MGAT4C: variants seen among roughly 807,000 people sequenced by gnomAD.
MGAT4C encodes MGAT4 family member C.
A neutral mutation model predicts 40.1 loss-of-function variants in MGAT4C; 19 were observed. The ratio of observed to expected loss-of-function variants is 0.47; its 90% CI spans 0.33 to 0.70. The LOEUF (loss-of-function observed/expected upper bound fraction) is 0.70. MGAT4C is among the 30% of genes least tolerant of loss of function. The pLI is 0.02. For missense variants in MGAT4C, 491 were observed against 563.2 expected, an observed-to-expected ratio of 0.87 and a Z score of 1.30; for synonymous variants, 181 against 187.1, an observed-to-expected ratio of 0.97 and a Z score of 0.27.
intron 4 of MGAT4C, among the ~76,000 whole-genome samples, chr12:86,310,189 T>C (rs1411653939): frequency 6.6e-6 from 1 of 151,642 alleles, no homozygotes; most frequent in Non-Finnish European, 1.5e-5. Flanking sequence ...AGGCAGGTAA[T>C]GTGAATGAGT....
chr12:86,061,076 C>T (rs1893908317), intron 1 of MGAT4C, among the ~76,000 whole-genome samples: 1 of 152,132 alleles, frequency 6.6e-6, no homozygotes. Flanking sequence ...TCTGTGGTGG[C>T]TGAATGGGAA....
At chr12:86,309,573 C>T (rs766204937) in intron 4 of MGAT4C, among the ~76,000 whole-genome samples, 2 of 152,136 alleles carry the variant, frequency 1.3e-5, no homozygotes, top group Non-Finnish European at 2.9e-5. Flanking sequence ...CGGGCTCTGC[C>T]CTCATGACTT....
intron 2 of MGAT4C, among the ~76,000 whole-genome samples, chr12:86,496,586 ATTGT>A (rs1208126760): frequency 8.1e-6 from 1 of 123,964 alleles, no homozygotes; most frequent in Non-Finnish European, 2.0e-5. Context: ...AATGTGTTTG[ATTGT>A]TCTTTCAAAA....
At chr12:86,478,811 T>C (rs897145682) in intron 2 of MGAT4C, among the ~76,000 whole-genome samples, 7 of 152,108 alleles carry the variant, frequency 4.6e-5, no homozygotes, top group South Asian at 2.1e-4. Flanking sequence ...GGAAGGGATA[T>C]TGAAATAGCT....
chr12:86,686,026 C>T (rs967327673), intron 2 of MGAT4C, among the ~76,000 whole-genome samples: 3 of 114,390 alleles, frequency 2.6e-5, no homozygotes, highest in Non-Finnish European at 1.9e-5. Context: ...CCATGCCTGG[C>T]TAATTTTATT....
At chr12:86,688,635 T>G (rs998618353) in intron 2 of MGAT4C, among the ~76,000 whole-genome samples, 25 of 152,336 alleles carry the variant, frequency 1.6e-4, no homozygotes, top group African/African-American at 5.8e-4. Context: ...AAATTCTGGG[T>G]TGAAAATTCT....
chr12:86,584,975 C>T (rs1960949355), intron 2 of MGAT4C, among the ~76,000 whole-genome samples: 1 of 151,206 alleles, frequency 6.6e-6, no homozygotes, highest in Admixed American at 6.6e-5. Context: ...CAGGTTGAGC[C>T]ATGTGTATTT....
intron 2 of MGAT4C, among the ~76,000 whole-genome samples, chr12:86,048,447 A>C (rs1222172433): frequency 1.3e-5 from 2 of 152,086 alleles, no homozygotes; most frequent in Non-Finnish European, 2.9e-5. Context: ...AGACCTGCAC[A>C]TGTACATCAT....
At chr12:86,657,452 G>T (rs377504667) in intron 2 of MGAT4C, among the ~76,000 whole-genome samples, 1 of 151,708 alleles carries the variant, frequency 6.6e-6, no homozygotes, top group East Asian at 1.9e-4. Flanking sequence ...GCACTCTCAA[G>T]AATTTAACTT....
chr12:86,739,910 T>A (rs1238264001), intron 1 of MGAT4C, among the ~76,000 whole-genome samples: 2 of 149,890 alleles, frequency 1.3e-5, no homozygotes, highest in African/African-American at 2.4e-5. Context: ...TAAGGCATAT[T>A]ATATATATAT....
chr12:86,763,191 A>G (rs1466625882), intron 1 of MGAT4C, among the ~76,000 whole-genome samples: 1 of 152,224 alleles, frequency 6.6e-6, no homozygotes, highest in Non-Finnish European at 1.5e-5. Context: ...AACAAATTGT[A>G]TGTAAGTGAC....
chr12:86,559,712 T>A (rs1230155799), intron 2 of MGAT4C, among the ~76,000 whole-genome samples: 1 of 151,796 alleles, frequency 6.6e-6, no homozygotes, highest in Non-Finnish European at 1.5e-5. Context: ...AAATTTTAAA[T>A]AAACAATCTA....
intron 2 of MGAT4C, among the ~76,000 whole-genome samples, chr12:85,996,966 A>G (rs1886697609): frequency 6.6e-6 from 1 of 152,220 alleles, no homozygotes; most frequent in South Asian, 2.1e-4. Flanking sequence ...CTTGGGATTT[A>G]TGAAACACTC....
At chr12:86,756,297 T>C (rs1026503541) in intron 1 of MGAT4C, among the ~76,000 whole-genome samples, 1 of 152,148 alleles carries the variant, frequency 6.6e-6, no homozygotes, top group Non-Finnish European at 1.5e-5. Context: ...GTATCTCTTC[T>C]TATAAAGGAA....
At chr12:85,989,583 G>T (rs747278123) in intron 2 of MGAT4C, 31 bp from the exon 3 acceptor site, 3 of 1,546,162 alleles carry the variant, frequency 1.9e-6, no homozygotes, top group Admixed American at 4.0e-5. Context: ...ATTACTAGCA[G>T]TTGGTTTTGG....
chr12:86,544,990 CT>C (rs1316402497), intron 2 of MGAT4C, among the ~76,000 whole-genome samples: 8 of 151,908 alleles, frequency 5.3e-5, no homozygotes, highest in African/African-American at 1.9e-4. Flanking sequence ...CATTTTTAGT[CT>C]TTTATTTTTT....
intron 1 of MGAT4C, among the ~76,000 whole-genome samples, chr12:86,127,670 GC>G (rs1333173635): frequency 6.6e-6 from 1 of 151,902 alleles, no homozygotes; most frequent in Non-Finnish European, 1.5e-5. Context: ...TATTCTATAA[GC>G]TTTTTTATAT....
intron 2 of MGAT4C, among the ~76,000 whole-genome samples, chr12:86,726,036 TG>T (rs1447631247): frequency 2.0e-5 from 3 of 152,202 alleles, no homozygotes; most frequent in Non-Finnish European, 4.4e-5. Context: ...GAATGTCCAG[TG>T]TCTAAAGACT....
intron 1 of MGAT4C, among the ~76,000 whole-genome samples, chr12:86,745,994 T>C (rs1167548317): frequency 6.6e-6 from 1 of 151,680 alleles, no homozygotes; most frequent in South Asian, 2.1e-4. Context: ...TGCTCCAGCC[T>C]CAGTGAGGAC....
Sources: allele counts gnomAD v4.1 joint callset (sites outside exome capture counted in the v4.1 genomes callset), GRCh38; gene constraint gnomAD v4.1.1; transcripts MANE v1.5; gene names NCBI Gene and HGNC (gene_info 2026-07-23, HGNC 2026-07-21).